Variants in SLC24A2 observed in about 807,000 individuals in gnomAD.
SLC24A2 encodes the protein solute carrier family 24 member 2.
A neutral mutation model predicts 62.0 loss-of-function variants in SLC24A2; 36 were observed. That is an observed-to-expected ratio of 0.58 (90% confidence interval 0.44 to 0.77). The LOEUF (loss-of-function observed/expected upper bound fraction) is 0.77, where lower values mean the gene tolerates loss of function less well. Among genes scored for constraint, SLC24A2 ranks in the 30% least tolerant of loss-of-function variants. SLC24A2 has a pLI of 0.00. For synonymous variants in SLC24A2, 358 were observed against 294.0 expected (o/e 1.22, Z -2.23); for missense variants, 846 against 817.9 (o/e 1.03, Z -0.42).
At chr9:19,860,460 G>T in the SLC24A2 span, among the ~76,000 whole-genome samples, 1 of 152,088 alleles carries the variant, frequency 6.6e-6, no homozygotes, top group Non-Finnish European at 1.5e-5. Context: ...CGATGTTGAG[G>T]GCCTTGGTAA....
chr9:20,000,142 T>C, the SLC24A2 span, among the ~76,000 whole-genome samples: 1 of 152,242 alleles, frequency 6.6e-6, no homozygotes, highest in Non-Finnish European at 1.5e-5. Context: ...GAGGTAATAA[T>C]TCCTACTTTA....
the SLC24A2 span, among the ~76,000 whole-genome samples, chr9:20,158,798 G>C: frequency 6.6e-6 from 1 of 151,466 alleles, no homozygotes; most frequent in Non-Finnish European, 1.5e-5. Flanking sequence ...TTATGGAGCA[G>C]CTGTGCATAT....
At chr9:19,588,918 G>A (rs1004275601) in intron 5 of SLC24A2, among the ~76,000 whole-genome samples, 4 of 152,182 alleles carry the variant, frequency 2.6e-5, no homozygotes, top group African/African-American at 4.8e-5. Flanking sequence ...CCAAGATTGC[G>A]CTACTGCACT....
the SLC24A2 span, among the ~76,000 whole-genome samples, chr9:20,104,130 G>A: frequency 6.6e-6 from 1 of 152,102 alleles, no homozygotes; most frequent in East Asian, 1.9e-4. Flanking sequence ...GAAATGAAGT[G>A]AGAAGGGAAG....
the SLC24A2 span, among the ~76,000 whole-genome samples, chr9:20,015,124 AC>A: frequency 2.0e-5 from 3 of 152,274 alleles, no homozygotes; most frequent in East Asian, 1.9e-4. Context: ...TCACTGGGGA[AC>A]CCTCAATCTC....
At chr9:19,735,470 C>T (rs1821479541) in intron 2 of SLC24A2, among the ~76,000 whole-genome samples, 2 of 151,986 alleles carry the variant, frequency 1.3e-5, no homozygotes, top group African/African-American at 2.4e-5. Context: ...GGATCTAGAA[C>T]TAGAAATACC....
At chr9:19,957,135 C>T in the SLC24A2 span, among the ~76,000 whole-genome samples, 3 of 152,170 alleles carry the variant, frequency 2.0e-5, no homozygotes, top group African/African-American at 7.2e-5. Flanking sequence ...AAATATAATA[C>T]ATTACTGCTG....
chr9:20,010,529 T>G, the SLC24A2 span, among the ~76,000 whole-genome samples: 1 of 151,992 alleles, frequency 6.6e-6, no homozygotes, highest in African/African-American at 2.4e-5. Flanking sequence ...ATGAACAAAA[T>G]GAGAAGTTAG....
the SLC24A2 span, among the ~76,000 whole-genome samples, chr9:19,867,938 A>C: frequency 6.6e-6 from 1 of 151,892 alleles, no homozygotes; most frequent in Admixed American, 6.6e-5. Flanking sequence ...AACAAAAAAA[A>C]ACTTTTGGTT....
At chr9:19,994,122 T>C in the SLC24A2 span, among the ~76,000 whole-genome samples, 1 of 152,170 alleles carries the variant, frequency 6.6e-6, no homozygotes, top group Non-Finnish European at 1.5e-5. Flanking sequence ...GCTGTTTCCA[T>C]TGCAACAGGC....
At chr9:20,286,435 T>C in the SLC24A2 span, among the ~76,000 whole-genome samples, 1 of 152,218 alleles carries the variant, frequency 6.6e-6, no homozygotes, top group African/African-American at 2.4e-5. Flanking sequence ...AGAATATAAC[T>C]CCATATCTGG....
At position 19,507,588 on chromosome 9, in the gene SLC24A2, C is replaced by G. The variant is rs1279034921; in HGVS notation, c.*8565G>C. 4 of 152,194 alleles carry G rather than the reference C, an allele frequency of 2.6e-5. No homozygotes were observed. In the East Asian group the frequency reaches 5.8e-4, roughly 22 times the overall value. 9.4% of individuals were successfully genotyped at this position (152,194 alleles called of 1,614,324 possible). ...GGACAGTGAAACAAGAAGAAACACC[C>G]TTTATCAGAATGAAGTCCATGTGAC... On this transcript the variant is annotated 3_prime_UTR_variant, in exon 11 of 11. Transcript: ENST00000341998.
intron 2 of SLC24A2, among the ~76,000 whole-genome samples, chr9:19,713,422 C>T (rs1301740546): frequency 1.3e-5 from 2 of 152,120 alleles, no homozygotes; most frequent in Non-Finnish European, 2.9e-5. Context: ...TACTGACCTT[C>T]TCTAAAATTA....
the SLC24A2 span, among the ~76,000 whole-genome samples, chr9:20,196,685 T>C: frequency 6.6e-6 from 1 of 152,246 alleles, no homozygotes; most frequent in Non-Finnish European, 1.5e-5. Context: ...ATTCATTACA[T>C]TCTGCCAAGG....
At chr9:19,979,320 A>G in the SLC24A2 span, among the ~76,000 whole-genome samples, 1 of 152,146 alleles carries the variant, frequency 6.6e-6, no homozygotes, top group Non-Finnish European at 1.5e-5. Context: ...GGTGATGCCA[A>G]TGCCACTCCT....
At chr9:20,067,109 T>G in the SLC24A2 span, among the ~76,000 whole-genome samples, 2 of 152,362 alleles carry the variant, frequency 1.3e-5, no homozygotes, top group East Asian at 1.9e-4. Context: ...AAACAGATGT[T>G]ATTTTAGATT....
the SLC24A2 span, among the ~76,000 whole-genome samples, chr9:19,960,283 A>G: frequency 6.6e-6 from 1 of 152,144 alleles, no homozygotes; most frequent in Non-Finnish European, 1.5e-5. Flanking sequence ...GTGACGCATG[A>G]TATTTTCCAT....
rs781410587 is a variant in SLC24A2 at position 19,660,188 on chromosome 9, G to A, written c.931-37889C>T. On this transcript the variant is annotated intron_variant, in intron 2 of 10. Coordinates refer to ENST00000341998, the MANE Select transcript of SLC24A2 (RefSeq NM_020344.4). ...TCCCAGTTCCTGCCCTAGGGAAGCA[G>A]GTGGAGGAAGCTGCTGTCTGAGTAA... Among the ~76,000 whole-genome samples the A allele has an allele frequency of 1.2e-4, 18 of 152,318 alleles. No individual in the cohort carries two copies. The Middle Eastern group carries it at 0.014, about 115-fold the overall frequency.
At chr9:19,846,765 G>A in the SLC24A2 span, among the ~76,000 whole-genome samples, 2 of 152,074 alleles carry the variant, frequency 1.3e-5, no homozygotes, top group East Asian at 3.8e-4. Context: ...AGTAGCTCAT[G>A]TCTGTAATCC....
Sources: gnomAD v4.1 joint callset for allele counts (sites outside exome capture counted in the v4.1 genomes callset) on GRCh38, gnomAD v4.1.1 for gene constraint, MANE v1.5 for transcripts, NCBI Gene and HGNC (gene_info 2026-07-23, HGNC 2026-07-21) for gene names.